The following RXFP2 variants were observed in gnomAD, a reference collection of about 807,000 sequenced individuals.
RXFP2 encodes the protein relaxin family peptide receptor 2.
Under a neutral mutation model 88.6 loss-of-function variants are expected in RXFP2, and 68 were observed. That is an observed-to-expected ratio of 0.77 (90% CI 0.63 to 0.94). RXFP2 has a LOEUF of 0.94. Ranked by LOEUF, RXFP2 falls within the 40% of genes least tolerant of loss-of-function variation. RXFP2 has a pLI of 0.00. For missense variants in RXFP2, 791 were observed against 893.9 expected (o/e 0.88, Z 1.47); for synonymous variants, 329 against 306.8 (o/e 1.07, Z -0.76).
chr13:31,750,849 T>C (rs1054421051), intron 1 of RXFP2, among the ~76,000 whole-genome samples: 4 of 152,318 alleles, frequency 2.6e-5, no homozygotes, highest in South Asian at 2.1e-4. Flanking sequence ...AGTGGAGACA[T>C]TGACTTACTT....
intron 7 of RXFP2, 140 bp from the exon 8 acceptor site, chr13:31,777,236 G>T: frequency 1.5e-6 from 1 of 654,030 alleles, no homozygotes; most frequent in Non-Finnish European, 2.8e-6. Flanking sequence ...AACCACAGAC[G>T]GAAGGAAAAG....
At chr13:31,783,737 A>C (rs1194506746) in intron 11 of RXFP2, among the ~76,000 whole-genome samples, 1 of 152,208 alleles carries the variant, frequency 6.6e-6, no homozygotes, top group African/African-American at 2.4e-5. Flanking sequence ...GTGGAGGATG[A>C]CTGTGGACTT....
At chr13:31,794,214 T>A (rs1162415080) in intron 16 of RXFP2, among the ~76,000 whole-genome samples, 1 of 152,152 alleles carries the variant, frequency 6.6e-6, no homozygotes, top group Non-Finnish European at 1.5e-5. Flanking sequence ...GTAATACCCC[T>A]CACACACTAC....
At chr13:31,782,792 G>A (rs770447782) in intron 11 of RXFP2, 45 bp downstream of exon 11, 2 of 1,255,706 alleles carry the variant, frequency 1.6e-6, no homozygotes, top group African/African-American at 2.9e-5. Flanking sequence ...CTTCTTCCGA[G>A]ATTATAAATT....
chr13:31,797,474 CTTT>C, intron 17 of RXFP2, 55 bp downstream of exon 17: 1 of 1,312,334 alleles, frequency 7.6e-7, no homozygotes, highest in Non-Finnish European at 1.1e-6. Context: ...TTACGTCCTT[CTTT>C]TGACAAGGCC....
At chr13:31,759,430 A>AAAGAAAG (rs1566218600) in intron 2 of RXFP2, among the ~76,000 whole-genome samples, 47 of 143,036 alleles carry the variant, frequency 3.3e-4, no homozygotes, top group East Asian at 4.0e-4. Context: ...AGAAAGAAAG[A>AAAGAAAG]AAGAAAGAAA....
At chr13:31,792,127 G>A (rs1873823060) in intron 15 of RXFP2, 92 bp downstream of exon 15, 1 of 938,216 alleles carries the variant, frequency 1.1e-6, no homozygotes, top group Non-Finnish European at 1.6e-6. Flanking sequence ...TCAACAAATG[G>A]CATTTAATGT....
chr13:31,759,433 G>GA (rs1226326872), intron 2 of RXFP2, among the ~76,000 whole-genome samples: 1 of 138,066 alleles, frequency 7.2e-6, no homozygotes, highest in African/African-American at 2.7e-5. Flanking sequence ...AAGAAAGAAA[G>GA]AAAGAAAGAA....
At position 31,784,132 on chromosome 13, in the gene RXFP2, G is replaced by A. The variant is rs551433860; in HGVS notation, c.929+1385G>A. 2.6e-5 allele frequency among the ~76,000 whole-genome samples: 4 copies of A among 151,788 alleles called. No individual in the cohort carries two copies. In the South Asian group the frequency reaches 6.3e-4, roughly 24 times the overall value. ...GTGAGCCACCACGCCCAACCCAGAG[G>A]GGTATTTTATATATAAACTTAAGGA... is the stretch of plus-strand genomic sequence containing the variant. On this transcript the variant is annotated intron_variant, in intron 11 of 17. Transcript: ENST00000298386.
chr13:31,764,241 T>TC, intron 3 of RXFP2, among the ~76,000 whole-genome samples: 1 of 114,774 alleles, frequency 8.7e-6, no homozygotes, highest in Non-Finnish European at 1.9e-5. Flanking sequence ...TCTCTCTCTC[T>TC]TTCACACACA....
At chr13:31,773,174 T>G (rs986774615) in intron 5 of RXFP2, among the ~76,000 whole-genome samples, 1 of 152,224 alleles carries the variant, frequency 6.6e-6, no homozygotes, top group African/African-American at 2.4e-5. Context: ...AAAAGCAGAA[T>G]GTATGCTGCT....
intron 3 of RXFP2, among the ~76,000 whole-genome samples, chr13:31,762,377 A>G (rs1180733683): frequency 3.3e-5 from 5 of 152,196 alleles, no homozygotes; most frequent in Non-Finnish European, 7.3e-5. Flanking sequence ...TGAGCAGAGG[A>G]GCAAGATCAA....
intron 13 of RXFP2, among the ~76,000 whole-genome samples, chr13:31,788,553 G>C (rs1873656741): frequency 6.6e-6 from 1 of 152,046 alleles, no homozygotes; most frequent in South Asian, 2.1e-4. Flanking sequence ...TATGGGGCCT[G>C]AAGGATTTAA....
chr13:31,789,159 C>G lies in RXFP2; in HGVS notation c.1111C>G (p.Arg371Gly), dbSNP rs375862062. ...GATAGAGATTCCAAATATAAACACA[C>G]GAATGTTTCAACCCATGAAGAATCT... The part of the protein sequence containing the change: ...ERIEIPNINT[R>G]MFQPMKNLSH... Residue 371 changes from arginine (R) to glycine (G), a missense_variant, in exon 14 of 18, where the codon CGA becomes GGA. Arg to Gly is a moderately radical substitution (Grantham distance 125). Transcript: ENST00000298386. The G allele has an allele frequency of 3.7e-6, 6 of 1,608,364 alleles. No homozygotes were observed. Among genetic ancestry groups the G allele is most frequent in the Non-Finnish European group, 5.1e-6 (6 of 1,175,824 alleles).
intron 1 of RXFP2, among the ~76,000 whole-genome samples, chr13:31,744,000 C>G (rs1209602022): frequency 6.6e-6 from 1 of 152,158 alleles, no homozygotes; most frequent in Admixed American, 6.5e-5. Flanking sequence ...CTCTAATCAC[C>G]TCCTGTCTTT....
At position 31,775,363 on chromosome 13, in the gene RXFP2, C is replaced by T. The variant is rs1358022318; in HGVS notation, c.615C>T (p.Phe205=). 8 of 1,613,240 alleles carry T rather than the reference C, an allele frequency of 5.0e-6. No homozygotes were observed. The highest frequency in any genetic ancestry group is 6.8e-6 in the Non-Finnish European group (8 of 1,179,376). Residue 205 remains phenylalanine, a synonymous_variant, in exon 7 of 18, where the codon TTC becomes TTT. Transcript: ENST00000298386. The part of the protein sequence containing the change: ...NCITTLRPGI[F]KDLHQLTWLI... ...TCACAACCCTCAGACCTGGAATATTCAAAGACTTACATCAGCTAACTTGGC... is the reference window on the plus strand; with the variant it reads ...TCACAACCCTCAGACCTGGAATATTTAAAGACTTACATCAGCTAACTTGGC...
intron 11 of RXFP2, among the ~76,000 whole-genome samples, chr13:31,785,132 C>G (rs1044390087): frequency 1.3e-5 from 2 of 152,154 alleles, no homozygotes; most frequent in African/African-American, 4.8e-5. Flanking sequence ...TTACCAGGCT[C>G]CCTCCCAGAA....
rs969576098 is a variant in RXFP2, at chr13:31,803,199, T to C, written c.*794T>C. 1 of 152,342 alleles carries C rather than the reference T, an allele frequency of 6.6e-6. No homozygotes were observed. The highest frequency in any genetic ancestry group is 2.1e-4 in the South Asian group (1 of 4,824). 9.4% of individuals were successfully genotyped at this position (152,342 alleles called of 1,614,324 possible). On this transcript the variant is annotated 3_prime_UTR_variant, in exon 18 of 18. Coordinates refer to ENST00000298386, the MANE Select transcript of RXFP2 (RefSeq NM_130806.5). ...TGGCAAGTTCTGCTTTCATAAAATA[T>C]GCAGATAAGAAGTGTTAAATGGGAT...
intron 1 of RXFP2, among the ~76,000 whole-genome samples, chr13:31,755,871 T>C (rs958280088): frequency 2.0e-5 from 3 of 152,160 alleles, no homozygotes; most frequent in Non-Finnish European, 4.4e-5. Context: ...AAAATTCCAA[T>C]GAGCAGAAAA....
Sources: gnomAD v4.1 joint callset for allele counts (sites outside exome capture counted in the v4.1 genomes callset) on GRCh38, gnomAD v4.1.1 for gene constraint, MANE v1.5 for transcripts, NCBI Gene and HGNC (gene_info 2026-07-23, HGNC 2026-07-21) for gene names.